MAD1L1: variants seen among roughly 807,000 people sequenced by gnomAD.
MAD1L1 encodes mitotic spindle assembly checkpoint protein MAD1.
Under a neutral mutation model 96.9 loss-of-function variants are expected in MAD1L1, and 95 were observed. The ratio of observed to expected loss-of-function variants is 0.98; its 90% CI spans 0.83 to 1.16. MAD1L1 has a LOEUF of 1.16. Ranked by LOEUF, MAD1L1 falls within the 50% of genes most tolerant of loss-of-function variation. The pLI, the probability that MAD1L1 is intolerant of heterozygous loss-of-function variation, is 0.00. For missense variants in MAD1L1, 1,007 were observed against 954.4 expected (o/e 1.06, Z -0.73); for synonymous variants, 473 against 396.6 (o/e 1.19, Z -2.29).
At chr7:2,069,692 C>T (rs1475526858) in intron 11 of MAD1L1, among the ~76,000 whole-genome samples, 1 of 152,212 alleles carries the variant, frequency 6.6e-6, no homozygotes, top group Non-Finnish European at 1.5e-5. Flanking sequence ...AGATGTGCAG[C>T]GTGGTGCGGG....
At chr7:2,127,298 G>T (rs1788278304) in intron 11 of MAD1L1, among the ~76,000 whole-genome samples, 1 of 151,932 alleles carries the variant, frequency 6.6e-6, no homozygotes, top group Non-Finnish European at 1.5e-5. Flanking sequence ...GGGCACAAAG[G>T]AGCGGCAACT....
chr7:1,870,852 A>ATTG, intron 18 of MAD1L1, among the ~76,000 whole-genome samples: 1 of 103,292 alleles, frequency 9.7e-6, no homozygotes, highest in East Asian at 3.4e-4. Context: ...TGAACCGACC[A>ATTG]TAACACCTGC....
At chr7:2,113,710 A>T (rs1210114292) in intron 11 of MAD1L1, among the ~76,000 whole-genome samples, 1 of 152,220 alleles carries the variant, frequency 6.6e-6, no homozygotes, top group Non-Finnish European at 1.5e-5. Context: ...GAGTGACCAC[A>T]CCCGCAACAG....
intron 18 of MAD1L1, among the ~76,000 whole-genome samples, chr7:1,894,213 C>G (rs555299088): frequency 6.6e-6 from 1 of 152,206 alleles, no homozygotes; most frequent in African/African-American, 2.4e-5. Context: ...GCAGCTCTAG[C>G]GCTGTCTTCT....
At chr7:1,896,077 T>C (rs535743548) in intron 18 of MAD1L1, among the ~76,000 whole-genome samples, 2 of 152,254 alleles carry the variant, frequency 1.3e-5, no homozygotes, top group South Asian at 4.1e-4. Context: ...CCTTTAGGCC[T>C]GGGGCGAGCA....
intron 10 of MAD1L1, among the ~76,000 whole-genome samples, chr7:2,207,114 T>C (rs1351219632): frequency 1.3e-5 from 2 of 151,982 alleles, no homozygotes; most frequent in Non-Finnish European, 2.9e-5. Context: ...AGAGATCAGT[T>C]CATCAATTTC....
intron 10 of MAD1L1, among the ~76,000 whole-genome samples, chr7:2,207,351 G>C (rs566618225): frequency 6.6e-6 from 1 of 152,174 alleles, no homozygotes; most frequent in African/African-American, 2.4e-5. Context: ...CCCCCAGGCA[G>C]CTTCAGATAG....
intron 12 of MAD1L1, among the ~76,000 whole-genome samples, chr7:2,028,914 C>A (rs1162682945): frequency 6.6e-6 from 1 of 151,890 alleles, no homozygotes; most frequent in African/African-American, 2.4e-5. Context: ...AACAAGGCTG[C>A]GCAGGGCAAC....
chr7:2,133,172 C>T (rs113790509), intron 11 of MAD1L1, among the ~76,000 whole-genome samples: 1 of 149,548 alleles, frequency 6.7e-6, no homozygotes, highest in Non-Finnish European at 1.5e-5. Context: ...CCTTCACCCA[C>T]GTGTCTGCTT....
intron 13 of MAD1L1, among the ~76,000 whole-genome samples, chr7:2,009,268 G>A (rs965051682): frequency 2.0e-5 from 3 of 152,184 alleles, no homozygotes; most frequent in African/African-American, 4.8e-5. Flanking sequence ...TGCCAGCCAG[G>A]ACATGGCAGA....
chr7:1,921,931 A>C (rs1275909241), intron 17 of MAD1L1, among the ~76,000 whole-genome samples: 1 of 152,246 alleles, frequency 6.6e-6, no homozygotes, highest in East Asian at 1.9e-4. Flanking sequence ...CCCAGAAGAA[A>C]ATAGAATTAT....
chr7:1,858,277 T>C (rs1040745078), intron 18 of MAD1L1, among the ~76,000 whole-genome samples: 2 of 152,128 alleles, frequency 1.3e-5, no homozygotes, highest in African/African-American at 4.8e-5. Flanking sequence ...GGGATCTGAG[T>C]GGGGACATGG....
intron 15 of MAD1L1, among the ~76,000 whole-genome samples, chr7:1,976,319 G>A (rs375683726): frequency 6.6e-6 from 1 of 152,204 alleles, no homozygotes; most frequent in African/African-American, 2.4e-5. Context: ...TGTTCCTTCC[G>A]ATGTTCGGAC....
rs1006226599 is a variant in MAD1L1, at chr7:2,114,980, G to A, written c.1073+34172C>T. On this transcript the variant is annotated intron_variant, in intron 11 of 18. Coordinates refer to ENST00000265854, the MANE Select transcript of MAD1L1 (RefSeq NM_001013836.2). The surrounding 1 kb of genome is among the most constrained non-coding windows in gnomAD (Gnocchi z 4.2). ...TCCGGAAGAATCTGTTCCCAGGGTA[G>A]AAACAGTGACGGGCCAGTGCAGCAG... Among the ~76,000 whole-genome samples the A allele has an allele frequency of 3.9e-5, 6 of 152,244 alleles. No homozygotes were observed. The highest frequency in any genetic ancestry group is 2.1e-4 in the South Asian group (1 of 4,830).
intron 18 of MAD1L1, among the ~76,000 whole-genome samples, chr7:1,868,327 G>A (rs1784876703): frequency 2.0e-5 from 3 of 152,282 alleles, no homozygotes; most frequent in South Asian, 4.1e-4. Flanking sequence ...CCCAGCTCCT[G>A]GGTACTGTGG....
At chr7:1,864,690 G>A (rs997563593) in intron 18 of MAD1L1, among the ~76,000 whole-genome samples, 6 of 152,206 alleles carry the variant, frequency 3.9e-5, no homozygotes, top group African/African-American at 1.4e-4. Context: ...CTGGAGTGGG[G>A]CCTAACCGGA....
chr7:2,162,576 A>G (rs550351001), intron 10 of MAD1L1, among the ~76,000 whole-genome samples: 13 of 151,720 alleles, frequency 8.6e-5, no homozygotes, highest in Non-Finnish European at 1.8e-4. Flanking sequence ...ACACCCAAGA[A>G]TGATCAATAA....
chr7:1,966,560 C>CAAAAAAAAAAAAAAA (rs199627043), intron 15 of MAD1L1, among the ~76,000 whole-genome samples: 2 of 9,290 alleles, frequency 2.2e-4, no homozygotes, highest in African/African-American at 4.8e-4. Flanking sequence ...CCAAACTTGG[C>CAAAAAAAAAAAAAAA]AAAAAAAAAA....
At chr7:2,123,170 G>C (rs996897466) in intron 11 of MAD1L1, among the ~76,000 whole-genome samples, 2 of 152,058 alleles carry the variant, frequency 1.3e-5, no homozygotes, top group Non-Finnish European at 2.9e-5. Flanking sequence ...AGGCGTGGTG[G>C]TGGGCGCCTG....
Sources: allele counts gnomAD v4.1 joint callset (sites outside exome capture counted in the v4.1 genomes callset), GRCh38; gene constraint gnomAD v4.1.1; non-coding constraint Gnocchi (gnomAD v3.1); transcripts MANE v1.5; gene names NCBI Gene and HGNC (gene_info 2026-07-23, HGNC 2026-07-21).